AK9: variants seen among roughly 807,000 people sequenced by gnomAD.
AK9 encodes the protein adenylate kinase 9.
Under a neutral mutation model 239.6 loss-of-function variants are expected in AK9, and 191 were observed. The ratio of observed to expected loss-of-function variants is 0.80; its 90% CI spans 0.71 to 0.90. AK9 has a LOEUF of 0.90. Ranked by LOEUF, AK9 falls within the 40% of genes least tolerant of loss-of-function variation. AK9 has a pLI of 0.00. For synonymous variants in AK9, 689 were observed against 721.0 expected (o/e 0.96, Z 0.71); for missense variants, 1,995 against 2,214.7 (o/e 0.90, Z 1.99).
chr6:109,516,343 T>C (rs944659641), intron 30 of AK9, 87 bp downstream of exon 30: 10 of 1,183,616 alleles, frequency 8.4e-6, no homozygotes, highest in Admixed American at 2.5e-5. Flanking sequence ...TTTTTAAATG[T>C]TTAAAGAAAT....
intron 12 of AK9, among the ~76,000 whole-genome samples, chr6:109,620,469 C>T (rs906806276): frequency 6.6e-6 from 1 of 151,886 alleles, no homozygotes; most frequent in Non-Finnish European, 1.5e-5. Context: ...TCAGCTTTTG[C>T]CTAAAATTGT....
At position 109,529,643 on chromosome 6, in the gene AK9, C is replaced by G. The variant is rs1780975804; in HGVS notation, c.3571-570G>C. ...CCATAATGTAGAATCAGTGGGGGCC[C>G]TAAACTTGTTTTCCTGCAACTACAT... On this transcript the variant is annotated intron_variant, in intron 28 of 40. Coordinates refer to ENST00000424296, the MANE Select transcript of AK9 (RefSeq NM_001145128.3). 2.0e-5 allele frequency among the ~76,000 whole-genome samples: 3 copies of G among 152,092 alleles called. No homozygotes were observed. The South Asian group carries it at 6.2e-4, about 31-fold the overall frequency.
rs140000417 is a variant in AK9, at chr6:109,595,561, T to C, written c.1843-9489A>G. ...AAAGACATATGCACATGTATGTTTA[T>C]TGTGGCAATATTCACAATACCCAAG... On this transcript the variant is annotated intron_variant, in intron 17 of 40. Transcript: ENST00000424296. Among the ~76,000 whole-genome samples, 1,457 of 152,350 alleles carry C rather than the reference T, an allele frequency of 9.6e-3. 13 individuals are homozygous for C. Among genetic ancestry groups the C allele is most frequent in the Middle Eastern group, 0.037 (11 of 294 alleles).
intron 9 of AK9, among the ~76,000 whole-genome samples, chr6:109,643,465 A>C (rs141551638): frequency 6.6e-6 from 1 of 152,268 alleles, no homozygotes; most frequent in East Asian, 1.9e-4. Context: ...TGTGTTCACT[A>C]CCCTAGGTTA....
Position 109,545,912 on chromosome 6 carries a change from T to TGCA in AK9, c.3177_3179dup (p.Ala1060dup). The TGCA allele has an allele frequency of 6.2e-7, 1 of 1,612,604 alleles. No individual in the cohort carries two copies. Among genetic ancestry groups the TGCA allele is most frequent in the East Asian group, 2.2e-5 (1 of 44,890 alleles). On this transcript the variant is annotated inframe_insertion, in exon 26 of 41. Coordinates refer to ENST00000424296, the MANE Select transcript of AK9 (RefSeq NM_001145128.3). Reference sequence around the variant, plus strand: ...CCTCAACTTTGACATTGGCCTGAATTGCAAGCTCTTCAAGTTCTTGTTTGG... The same window carrying TGCA: ...CCTCAACTTTGACATTGGCCTGAATTGCAGCAAGCTCTTCAAGTTCTTGTTTGG...
chr6:109,502,673 AG>A (rs1315944338), intron 35 of AK9, among the ~76,000 whole-genome samples: 8 of 152,218 alleles, frequency 5.3e-5, no homozygotes, highest in Admixed American at 4.6e-4. Flanking sequence ...TTGCCCTTTC[AG>A]GTTGTTCACT....
chr6:109,560,515 T>G (rs1785617626), intron 24 of AK9, among the ~76,000 whole-genome samples: 1 of 152,234 alleles, frequency 6.6e-6, no homozygotes, highest in Non-Finnish European at 1.5e-5. Flanking sequence ...CCATATCTAT[T>G]GAGGTGATCA....
At chr6:109,543,727 C>G (rs950139523) in intron 26 of AK9, among the ~76,000 whole-genome samples, 1 of 151,972 alleles carries the variant, frequency 6.6e-6, no homozygotes, top group Non-Finnish European at 1.5e-5. Flanking sequence ...GGATTACAGG[C>G]GTGAGCGACC....
chr6:109,603,762 T>C (rs1792429172), intron 17 of AK9, among the ~76,000 whole-genome samples: 1 of 152,166 alleles, frequency 6.6e-6, no homozygotes. Context: ...TACTCAAGCC[T>C]CAGCGATGGC....
intron 8 of AK9, among the ~76,000 whole-genome samples, chr6:109,647,018 C>A (rs886341797): frequency 2.0e-5 from 3 of 152,120 alleles, no homozygotes; most frequent in Non-Finnish European, 4.4e-5. Context: ...GAAATAAAAT[C>A]CTTTACAGAC....
At chr6:109,647,919 C>T (rs950064883) in intron 8 of AK9, among the ~76,000 whole-genome samples, 1 of 152,088 alleles carries the variant, frequency 6.6e-6, no homozygotes. Context: ...CAAACTAGAA[C>T]TCAGGATTAA....
Position 109,545,926 on chromosome 6 carries a change from G to C in AK9, c.3166C>G (p.Leu1056Val). Residue 1056 changes from leucine (L) to valine (V), a missense_variant, in exon 26 of 41, where the codon CTT becomes GTT. Around this residue, in one of 5 missense-constraint regions of AK9, gnomAD observed 1,290 missense variants for 1,392.7 expected, o/e 0.93. Transcript: ENST00000424296. ...SENEQAAKQE[L>V]EELAIQANVK... ...TTGGCCTGAATTGCAAGCTCTTCAA[G>C]TTCTTGTTTGGCAGCTTGCTCGTTC... 1 of 1,614,040 alleles carries C rather than the reference G, an allele frequency of 6.2e-7. No homozygotes were observed. The highest frequency in any genetic ancestry group is 8.5e-7 in the Non-Finnish European group (1 of 1,179,998).
chr6:109,533,290 T>C lies in AK9; in HGVS notation c.3531A>G (p.Glu1177=). 6.2e-7 allele frequency: 1 copy of C among 1,611,402 alleles called. No homozygotes were observed. Among genetic ancestry groups the C allele is most frequent in the Non-Finnish European group, 8.5e-7 (1 of 1,179,156 alleles). ...KWKLKQKKKL[E]RKKLIKDMKA... ...TCATGTCTTTGATCAGTTTCTTCCT[T>C]TCTAATTTCTTCTTTTGTTTTAGTT... The change falls in exon 28 of 41, where the codon GAA becomes GAG. Residue 1177 remains glutamate, a synonymous_variant. Coordinates refer to ENST00000424296, the MANE Select transcript of AK9 (RefSeq NM_001145128.3).
intron 3 of AK9, among the ~76,000 whole-genome samples, chr6:109,673,616 A>C (rs1457426368): frequency 6.6e-6 from 1 of 152,130 alleles, no homozygotes; most frequent in African/African-American, 2.4e-5. Flanking sequence ...GTTATCATTG[A>C]AGACAATTAA....
intron 21 of AK9, among the ~76,000 whole-genome samples, chr6:109,565,416 G>A (rs1393488890): frequency 3.3e-5 from 5 of 152,114 alleles, no homozygotes; most frequent in African/African-American, 1.2e-4. Flanking sequence ...TCAAGTTACA[G>A]GGAGCTATGA....
intron 28 of AK9, among the ~76,000 whole-genome samples, chr6:109,532,541 A>G (rs1017877567): frequency 1.3e-5 from 2 of 152,152 alleles, no homozygotes; most frequent in African/African-American, 2.4e-5. Context: ...CACTCAGCAC[A>G]ATGGTTTTGA....
At chr6:109,544,736 A>G (rs934933714) in intron 26 of AK9, among the ~76,000 whole-genome samples, 1 of 152,220 alleles carries the variant, frequency 6.6e-6, no homozygotes, top group African/African-American at 2.4e-5. Flanking sequence ...ATTTCTTTAT[A>G]GCAACGAGAG....
At chr6:109,566,418 T>C (rs1786525646) in intron 21 of AK9, among the ~76,000 whole-genome samples, 1 of 152,166 alleles carries the variant, frequency 6.6e-6, no homozygotes, top group South Asian at 2.1e-4. Flanking sequence ...AAAATTTTAC[T>C]TCTGAAGACA....
intron 29 of AK9, among the ~76,000 whole-genome samples, chr6:109,518,499 A>C (rs1779492772): frequency 6.6e-6 from 1 of 152,034 alleles, no homozygotes; most frequent in Admixed American, 6.6e-5. Flanking sequence ...TAAAAATTGA[A>C]ATTGTACAAT....
Sources: allele counts gnomAD v4.1 joint callset (sites outside exome capture counted in the v4.1 genomes callset), GRCh38; gene constraint gnomAD v4.1.1; regional missense constraint gnomAD v4.1.1; transcripts MANE v1.5; gene names NCBI Gene and HGNC (gene_info 2026-07-23, HGNC 2026-07-21).